The following ARVCF variants were observed in gnomAD, a reference collection of about 807,000 sequenced individuals.
The protein encoded by ARVCF is splicing regulator ARVCF.
Under a neutral mutation model 90.9 loss-of-function variants are expected in ARVCF, and 66 were observed. The observed-to-expected ratio is 0.73, with a 90% CI of 0.60 to 0.89. The LOEUF (loss-of-function observed/expected upper bound fraction) is 0.89, where lower values mean the gene tolerates loss of function less well. ARVCF is among the 40% of genes least tolerant of loss of function. The probability of loss-of-function intolerance (pLI) is 0.00; values close to 1 mark genes in which losing one functional copy is unlikely to be tolerated. For missense variants in ARVCF, 1,469 were observed against 1,382.3 expected (o/e 1.06, Z -1.00); for synonymous variants, 653 against 603.4 (o/e 1.08, Z -1.21).
intron 2 of ARVCF, among the ~76,000 whole-genome samples, chr22:19,995,201 G>C (rs1333573236): frequency 6.6e-6 from 1 of 151,924 alleles, no homozygotes; most frequent in Non-Finnish European, 1.5e-5. Flanking sequence ...GAAAATGAGG[G>C]GAGATGAGAG....
chr22:19,984,137 A>T (rs773042393), intron 3 of ARVCF, among the ~76,000 whole-genome samples: 1 of 152,104 alleles, frequency 6.6e-6, no homozygotes, highest in East Asian at 1.9e-4. Context: ...GTTACCCAGG[A>T]CTCTGCCAGT....
intron 1 of ARVCF, among the ~76,000 whole-genome samples, chr22:20,014,386 G>T (rs1294269136): frequency 6.6e-6 from 1 of 151,792 alleles, no homozygotes; most frequent in Non-Finnish European, 1.5e-5. Context: ...GTAGAGACAG[G>T]GTTTCACCAT....
chr22:19,973,547 ACT>A, intron 13 of ARVCF, 94 bp downstream of exon 13: 3 of 1,510,354 alleles, frequency 2.0e-6, no homozygotes, highest in Non-Finnish European at 2.7e-6. Context: ...CGGGGCCTGG[ACT>A]CCCAAACCAC....
In ARVCF at chr22:19,977,969, T is replaced by G; in HGVS notation, c.1687A>C (p.Thr563Pro). 1 of 1,608,038 alleles carries G rather than the reference T, an allele frequency of 6.2e-7. No homozygotes were observed. The highest frequency in any genetic ancestry group is 8.5e-7 in the Non-Finnish European group (1 of 1,177,222). Residue 563 changes from threonine to proline, a missense_variant, in exon 8 of 20, where the codon ACT becomes CCT. By Grantham distance (38) the Thr-to-Pro change is conservative. Transcript: ENST00000263207. ...ALQSAVGRKD[T>P]DNKSVENCVC... The stretch of plus-strand genomic sequence containing the variant: ...CCGTCCCTGCCCACCTTGTTGTCAG[T>G]GTCCTTCCGGCCCACAGCCGACTGC...
intron 19 of ARVCF, 41 bp downstream of exon 19, chr22:19,971,175 G>A (rs1176248092): frequency 8.4e-6 from 13 of 1,551,232 alleles, no homozygotes; most frequent in Non-Finnish European, 1.0e-5. Flanking sequence ...TGGCCCAGAG[G>A]GCAGGAACAG....
At chr22:19,974,540 C>A (rs1943041056) in intron 11 of ARVCF, among the ~76,000 whole-genome samples, 1 of 152,088 alleles carries the variant, frequency 6.6e-6, no homozygotes, top group Non-Finnish European at 1.5e-5. Context: ...CAACAAGACC[C>A]GCATTTCCCG....
At chr22:19,986,195 T>C (rs576282071) in intron 3 of ARVCF, among the ~76,000 whole-genome samples, 1 of 152,222 alleles carries the variant, frequency 6.6e-6, no homozygotes, top group Non-Finnish European at 1.5e-5. Flanking sequence ...TCAGACACAC[T>C]GTGACCATGG....
chr22:19,975,933 G>A (rs1445639693), intron 10 of ARVCF, among the ~76,000 whole-genome samples, 176 bp from the exon 11 acceptor site: 2 of 152,170 alleles, frequency 1.3e-5, no homozygotes, highest in South Asian at 4.1e-4. Flanking sequence ...GTTTAGCCTA[G>A]GGGTAGGAGT....
At chr22:20,008,981 C>G (rs1429230341) in intron 2 of ARVCF, among the ~76,000 whole-genome samples, 1 of 152,150 alleles carries the variant, frequency 6.6e-6, no homozygotes, top group Non-Finnish European at 1.5e-5. Context: ...GGAGAGTGAG[C>G]AAGTGTGCCT....
At chr22:19,980,572 T>TC (rs1943436480) in intron 5 of ARVCF, 3 of 303,322 alleles carry the variant, frequency 9.9e-6, no homozygotes, top group African/African-American at 4.3e-5. Context: ...CTATGGCTGC[T>TC]GGAGAGACCG....
chr22:19,990,985 G>A (rs1944004474), intron 2 of ARVCF, among the ~76,000 whole-genome samples, 173 bp from the exon 3 acceptor site: 1 of 152,268 alleles, frequency 6.6e-6, no homozygotes, highest in South Asian at 2.1e-4. Flanking sequence ...TTAATCCGAG[G>A]CTGGCCGGAA....
intron 3 of ARVCF, among the ~76,000 whole-genome samples, chr22:19,982,458 C>A (rs1943558094): frequency 6.6e-6 from 1 of 152,142 alleles, no homozygotes; most frequent in Non-Finnish European, 1.5e-5. Context: ...ACAGGCTCCT[C>A]CAGGCCCCAG....
chr22:19,996,140 G>A (rs913964082), intron 2 of ARVCF, among the ~76,000 whole-genome samples: 1 of 152,160 alleles, frequency 6.6e-6, no homozygotes, highest in Non-Finnish European at 1.5e-5. Context: ...GGGTTCACAG[G>A]GCGGAGTCCA....
intron 3 of ARVCF, chr22:19,986,798 G>C (rs933950528): frequency 5.0e-6 from 2 of 399,374 alleles, no homozygotes; most frequent in Non-Finnish European, 9.0e-6. Context: ...GCCAAGAGGA[G>C]GGTCAAACTG....
intron 10 of ARVCF, 43 bp downstream of exon 10, chr22:19,976,663 C>T (rs1351296469): frequency 1.9e-6 from 3 of 1,551,888 alleles, no homozygotes; most frequent in South Asian, 1.2e-5. Flanking sequence ...CAGGTACCCA[C>T]TGCACACGCC....
chr22:19,971,835 C>T (rs966691516), intron 18 of ARVCF, 51 bp downstream of exon 18: 2 of 1,598,972 alleles, frequency 1.3e-6, no homozygotes, highest in Non-Finnish European at 8.6e-7. Context: ...CCAGCAACCC[C>T]TAGACACGGG....
intron 3 of ARVCF, among the ~76,000 whole-genome samples, chr22:19,987,877 CA>C (rs1292866252): frequency 6.6e-6 from 1 of 152,168 alleles, no homozygotes; most frequent in Non-Finnish European, 1.5e-5. Context: ...TCCCCCAGGC[CA>C]GCCTCAATGT....
intron 2 of ARVCF, among the ~76,000 whole-genome samples, chr22:20,008,487 G>A (rs557924021): frequency 6.6e-6 from 1 of 152,312 alleles, no homozygotes; most frequent in South Asian, 2.1e-4. Context: ...TGTGTGTTGT[G>A]GATCTCCTCA....
At chr22:20,004,113 T>C (rs1456187563) in intron 2 of ARVCF, among the ~76,000 whole-genome samples, 1 of 152,028 alleles carries the variant, frequency 6.6e-6, no homozygotes, top group African/African-American at 2.4e-5. Flanking sequence ...AAAAAACTAT[T>C]CCATTTACAA....
Sources: gnomAD v4.1 joint callset for allele counts (sites outside exome capture counted in the v4.1 genomes callset) on GRCh38, gnomAD v4.1.1 for gene constraint, MANE v1.5 for transcripts, NCBI Gene and HGNC (gene_info 2026-07-23, HGNC 2026-07-21) for gene names.